The following ANKS1A variants were observed in gnomAD, a reference collection of about 807,000 sequenced individuals.
ANKS1A encodes the protein ankyrin repeat and SAM domain-containing protein 1A.
In ANKS1A, 55 loss-of-function variants were observed where a neutral mutation model predicts 120.3. The observed-to-expected ratio is 0.46, with a 90% confidence interval of 0.37 to 0.57. ANKS1A has a LOEUF of 0.57. Among genes scored for constraint, ANKS1A ranks in the 20% least tolerant of loss-of-function variants. The probability of loss-of-function intolerance (pLI) is 0.00; values close to 1 mark genes in which losing one functional copy is unlikely to be tolerated. For missense variants in ANKS1A, 1,123 were observed against 1,480.3 expected, an observed-to-expected ratio of 0.76 and a Z score of 3.96; for synonymous variants, 590 against 604.7, an observed-to-expected ratio of 0.98 and a Z score of 0.36.
At chr6:34,999,110 T>TG (rs1773013247) in intron 10 of ANKS1A, among the ~76,000 whole-genome samples, 1 of 152,216 alleles carries the variant, frequency 6.6e-6, no homozygotes, top group African/African-American at 2.4e-5. Flanking sequence ...TGGTAAGACT[T>TG]GTCTTTGGAA....
At chr6:35,006,183 G>A (rs1457138708) in intron 10 of ANKS1A, among the ~76,000 whole-genome samples, 8 of 57,612 alleles carry the variant, frequency 1.4e-4, no homozygotes, top group African/African-American at 3.2e-4. Context: ...GCAAGACTCT[G>A]TCTTAAAAAA....
At chr6:34,890,084 C>A (rs922178742) in intron 1 of ANKS1A, among the ~76,000 whole-genome samples, 2 of 151,054 alleles carry the variant, frequency 1.3e-5, no homozygotes, top group African/African-American at 2.4e-5. Context: ...CTACACAGGA[C>A]CTCGCTTTAT....
In ANKS1A at chr6:34,982,012, C is replaced by T. The variant is rs775878019; in HGVS notation, c.732+26C>T. ...GTAGCAGGGCGGGTGGGGGCTCCTC[C>T]AATCTCAAGAGACTCAGTCATTTTG... On this transcript the variant is annotated intron_variant, in intron 4 of 23. Transcript: ENST00000360359. The surrounding 1 kb of genome is among the most constrained non-coding windows in gnomAD (Gnocchi z 4.9). 6.2e-7 allele frequency: 1 copy of T among 1,609,858 alleles called. No homozygotes were observed. Among genetic ancestry groups the T allele is most frequent in the Non-Finnish European group, 8.5e-7 (1 of 1,177,656 alleles).
chr6:35,061,433 G>T (rs1363263534), intron 13 of ANKS1A, among the ~76,000 whole-genome samples: 1 of 152,204 alleles, frequency 6.6e-6, no homozygotes, highest in Non-Finnish European at 1.5e-5. Flanking sequence ...TTGAGGGCTG[G>T]GGTCAGAGTC....
chr6:34,992,349 A>G (rs1332067451), intron 9 of ANKS1A, among the ~76,000 whole-genome samples: 1 of 152,206 alleles, frequency 6.6e-6, no homozygotes, highest in Non-Finnish European at 1.5e-5. Context: ...AGAACTAGGC[A>G]CAGAGTGAAA....
intron 1 of ANKS1A, among the ~76,000 whole-genome samples, chr6:34,932,436 G>C (rs758975829): frequency 1.6e-4 from 24 of 151,864 alleles, no homozygotes; most frequent in Admixed American, 2.0e-4. Context: ...AGGATCTGGA[G>C]TGCAGTGGTG....
intron 3 of ANKS1A, among the ~76,000 whole-genome samples, chr6:34,975,582 G>A (rs750607066): frequency 1.6e-4 from 24 of 151,870 alleles, no homozygotes; most frequent in Admixed American, 1.1e-3. Context: ...AATATAATGC[G>A]ATCCCATCTC....
intron 1 of ANKS1A, among the ~76,000 whole-genome samples, chr6:34,913,619 T>TTTGTTGTTGTTG (rs549695039): frequency 1.3e-5 from 2 of 151,116 alleles, no homozygotes; most frequent in African/African-American, 2.4e-5. Flanking sequence ...AACAAAATAG[T>TTTGTTGTTGTTG]TTGTTGTTGT....
rs1418840481 is a variant in ANKS1A, at chr6:34,889,481, C to A, written c.79C>A (p.Arg27=). 5 of 1,284,020 alleles carry A rather than the reference C, an allele frequency of 3.9e-6. No individual in the cohort carries two copies. Among genetic ancestry groups the A allele is most frequent in the African/African-American group, 3.1e-5 (2 of 64,776 alleles). The allele number at this position is 1,284,020 out of a possible 1,614,324, so 79.5% of individuals were successfully genotyped here. A position where few individuals can be genotyped will look rare whatever the true frequency, so the allele number is the denominator to read the frequency against. ...GGTGGAGAAGCTGCTGTCCGGGAAG[C>A]GGCTCTCCTCAGGCTTTGGGGGCGG... The part of the protein sequence containing the change: ...PAVEKLLSGK[R]LSSGFGGGGG... Residue 27 remains arginine (R), a synonymous_variant, in exon 1 of 24, where the codon CGG becomes AGG. Coordinates refer to ENST00000360359, the MANE Select transcript of ANKS1A (RefSeq NM_015245.3). This position sits in a 1 kb window ranked among gnomAD's most constrained non-coding sequence, Gnocchi z 5.5.
intron 1 of ANKS1A, among the ~76,000 whole-genome samples, chr6:34,956,922 A>G (rs148982555): frequency 4.5e-4 from 68 of 152,282 alleles, no homozygotes; most frequent in African/African-American, 1.3e-3. Context: ...CTCTTTATAC[A>G]GAATTTGTAT....
At chr6:35,079,725 G>A (rs956110569) in intron 15 of ANKS1A, 57 bp downstream of exon 15, 76 of 1,612,808 alleles carry the variant, frequency 4.7e-5, no homozygotes, top group Non-Finnish European at 9.3e-6. Context: ...GCTTCCCTTA[G>A]GGGCAGCCTG....
Position 35,090,956 on chromosome 6 carries a change from T to TCAGA in ANKS1A, c.*2350_*2353dup, listed in dbSNP as rs1401112776. 2.0e-6 allele frequency: 2 copies of TCAGA among 985,640 alleles called. No homozygotes were observed. The highest frequency in any genetic ancestry group is 5.2e-4 in the Middle Eastern group (1 of 1,934). The allele number at this position is 985,640 out of a possible 1,614,324, so 61.1% of individuals were successfully genotyped here. A position where few individuals can be genotyped will look rare whatever the true frequency, so the allele number is the denominator to read the frequency against. ...TGCGTCCCTCCTGGGCCCTCCAGCG[T>TCAGA]CAGACACTAATGGGAGTTCCCGAGA... On this transcript the variant is annotated 3_prime_UTR_variant, in exon 24 of 24. Coordinates refer to ENST00000360359, the MANE Select transcript of ANKS1A (RefSeq NM_015245.3).
At chr6:34,931,233 G>A (rs778247263) in intron 1 of ANKS1A, among the ~76,000 whole-genome samples, 1 of 150,228 alleles carries the variant, frequency 6.7e-6, no homozygotes, top group Non-Finnish European at 1.5e-5. Context: ...TGCAACCTTC[G>A]CCTCCCAGGC....
rs1278697959 is a variant in ANKS1A at position 35,089,261 on chromosome 6, T to C, written c.*652T>C. The C allele has an allele frequency of 2.0e-6, 2 of 987,110 alleles. No homozygotes were observed. Among genetic ancestry groups the C allele is most frequent in the Non-Finnish European group, 2.4e-6 (2 of 831,104 alleles). 61.1% of individuals were successfully genotyped at this position (987,110 alleles called of 1,614,324 possible). A position where few individuals can be genotyped will look rare whatever the true frequency, so the allele number is the denominator to read the frequency against. The stretch of plus-strand genomic sequence containing the variant: ...TAGAGGCACCTGAGCAACTCAAAGG[T>C]TTCCGGTCCATTTCTGGGGTTCCCG... On this transcript the variant is annotated 3_prime_UTR_variant, in exon 24 of 24. Transcript: ENST00000360359.
At chr6:34,896,958 T>A (rs1767120603) in intron 1 of ANKS1A, among the ~76,000 whole-genome samples, 1 of 151,690 alleles carries the variant, frequency 6.6e-6, no homozygotes, top group Non-Finnish European at 1.5e-5. Context: ...AGAGCGAAAC[T>A]CCATCTCAAA....
At chr6:34,994,464 A>ATT (rs1466468687) in intron 10 of ANKS1A, 42 bp downstream of exon 10, 11 of 1,598,266 alleles carry the variant, frequency 6.9e-6, no homozygotes, top group Non-Finnish European at 8.5e-6. Flanking sequence ...CTCCAAAGGG[A>ATT]TTTTTAAAGT....
Position 35,089,467 on chromosome 6 carries a change from T to C in ANKS1A, c.*858T>C. ...TGTCAGAGAATAGGAAAAGCAGCTT[T>C]GTTTGGGGCATTAATGCTTGGAGTG... On this transcript the variant is annotated 3_prime_UTR_variant, in exon 24 of 24. Transcript: ENST00000360359. 1.0e-6 allele frequency: 1 copy of C among 986,012 alleles called. No individual in the cohort carries two copies. Among genetic ancestry groups the C allele is most frequent in the Non-Finnish European group, 1.2e-6 (1 of 830,212 alleles). The allele number at this position is 986,012 out of a possible 1,614,324, so 61.1% of individuals were successfully genotyped here.
chr6:35,082,865 C>T lies in ANKS1A; in HGVS notation c.2835+49C>T, dbSNP rs115862107. ...CAGGGCCGGCCTCCCTGCTCCTTCTCGGCCAGGCACCTGCGGCCAAGTCCC... is the reference window on the plus strand; with the variant it reads ...CAGGGCCGGCCTCCCTGCTCCTTCTTGGCCAGGCACCTGCGGCCAAGTCCC... On this transcript the variant is annotated intron_variant, in intron 18 of 23. Coordinates refer to ENST00000360359, the MANE Select transcript of ANKS1A (RefSeq NM_015245.3). This position sits in a 1 kb window ranked among gnomAD's most constrained non-coding sequence, Gnocchi z 4.1. The T allele has an allele frequency of 2.7e-4, 431 of 1,581,262 alleles. 2 individuals carry two copies. The African/African-American group carries it at 4.8e-3, about 17-fold the overall frequency.
chr6:34,903,421 A>G (rs931084321), intron 1 of ANKS1A, among the ~76,000 whole-genome samples: 3 of 147,728 alleles, frequency 2.0e-5, no homozygotes, highest in Non-Finnish European at 3.0e-5. Context: ...TCATAGCTCA[A>G]GCTCTCCTCC....
Sources: allele counts gnomAD v4.1 joint callset (sites outside exome capture counted in the v4.1 genomes callset), GRCh38; gene constraint gnomAD v4.1.1; non-coding constraint Gnocchi (gnomAD v3.1); transcripts MANE v1.5; gene names NCBI Gene and HGNC (gene_info 2026-07-23, HGNC 2026-07-21).